Variants in LONRF2 observed in about 807,000 individuals in gnomAD.
The protein encoded by LONRF2 is LON peptidase N-terminal domain and RING finger protein 2.
In LONRF2, 35 loss-of-function variants were observed where a neutral mutation model predicts 66.6. The ratio of observed to expected loss-of-function variants is 0.53; its 90% CI spans 0.40 to 0.70. The LOEUF is 0.70. LONRF2 is among the 30% of genes least tolerant of loss of function. The probability of loss-of-function intolerance (pLI) is 0.00; values close to 1 mark genes in which losing one functional copy is unlikely to be tolerated. For missense variants in LONRF2, 902 were observed against 1,002.1 expected (o/e 0.90, Z 1.35); for synonymous variants, 417 against 418.1 (o/e 1.00, Z 0.03).
chr2:100,277,875 C>T lies in LONRF2; in HGVS notation c.*6423G>A, dbSNP rs1674632232. On this transcript the variant is annotated 3_prime_UTR_variant, in exon 12 of 12. Coordinates refer to ENST00000393437, the MANE Select transcript of LONRF2 (RefSeq NM_198461.4). ...AGATACCCCAAATCCAAATCTAAAT[C>T]ACATCTCTCCACAGGTGCTACAGCT... is the stretch of plus-strand genomic sequence containing the variant. 6.6e-6 allele frequency: 1 copy of T among 152,176 alleles called. No homozygotes were observed. The highest frequency in any genetic ancestry group is 2.1e-4 in the South Asian group (1 of 4,818). The allele number at this position is 152,176 out of a possible 1,614,324, so 9.4% of individuals were successfully genotyped here.
chr2:100,287,436 T>G (rs989593633), intron 10 of LONRF2, among the ~76,000 whole-genome samples: 3 of 152,224 alleles, frequency 2.0e-5, no homozygotes, highest in South Asian at 2.1e-4. Context: ...TAAACATTTA[T>G]GGAAAAGTTG....
chr2:100,290,250 A>C lies in LONRF2; in HGVS notation c.1920+8T>G, dbSNP rs1230036510. ...TGCTATAAAATACACCAGTATGATA[A>C]GCCTTACCTTTTCATCTTCAAGATA... On this transcript the variant is annotated splice_region_variant and intron_variant, in intron 10 of 11. Transcript: ENST00000393437. 1.2e-6 allele frequency: 2 copies of C among 1,607,616 alleles called. No homozygotes were observed. Among genetic ancestry groups the C allele is most frequent in the Non-Finnish European group, 1.7e-6 (2 of 1,177,144 alleles).
intron 1 of LONRF2, among the ~76,000 whole-genome samples, chr2:100,321,192 C>A (rs1675615213): frequency 6.6e-6 from 1 of 152,224 alleles, no homozygotes; most frequent in Admixed American, 6.5e-5. Flanking sequence ...AACTTACCAG[C>A]ATCCTGGAAA....
At chr2:100,286,428 T>C (rs546323761) in intron 11 of LONRF2, among the ~76,000 whole-genome samples, 1 of 152,258 alleles carries the variant, frequency 6.6e-6, no homozygotes, top group South Asian at 2.1e-4. Context: ...AAAGTACTTG[T>C]AGGGAGCACC....
chr2:100,290,698 C>T lies in LONRF2; in HGVS notation c.1758-278G>A, dbSNP rs563834262. Among the ~76,000 whole-genome samples, 35 of 152,230 alleles carry T rather than the reference C, an allele frequency of 2.3e-4. No homozygotes were observed. In the South Asian group the frequency reaches 5.0e-3, roughly 22 times the overall value. Reference sequence around the variant, plus strand: ...ACGGGCTAGTGTTTTGGGAAGGACCCGAGAGATGGGAAGAGATGAAATCTC... The same window carrying T: ...ACGGGCTAGTGTTTTGGGAAGGACCTGAGAGATGGGAAGAGATGAAATCTC... On this transcript the variant is annotated intron_variant, in intron 9 of 11. Coordinates refer to ENST00000393437, the MANE Select transcript of LONRF2 (RefSeq NM_198461.4).
chr2:100,292,392 G>A (rs1242546216), intron 9 of LONRF2, among the ~76,000 whole-genome samples: 2 of 152,160 alleles, frequency 1.3e-5, no homozygotes, highest in African/African-American at 4.8e-5. Flanking sequence ...AAGGTCATTA[G>A]CAATTTGTTT....
At chr2:100,293,398 T>C (rs1675001398) in intron 9 of LONRF2, among the ~76,000 whole-genome samples, 2 of 152,352 alleles carry the variant, frequency 1.3e-5, no homozygotes, top group South Asian at 4.1e-4. Flanking sequence ...CCTGGGCACG[T>C]AGGTGGACTA....
In LONRF2 at chr2:100,320,331, T is replaced by C. The variant is rs910223271; in HGVS notation, c.679+1084A>G. On this transcript the variant is annotated intron_variant, in intron 1 of 11. Coordinates refer to ENST00000393437, the MANE Select transcript of LONRF2 (RefSeq NM_198461.4). ...GCCTGTTAAAGTATGGATATGTTGG[T>C]TGCAAAAACTACAGAATACTCGTTA... is the stretch of plus-strand genomic sequence containing the variant. Among the ~76,000 whole-genome samples, 10 of 152,288 alleles carry C rather than the reference T, an allele frequency of 6.6e-5. No homozygotes were observed. The East Asian group carries it at 1.9e-3, about 29-fold the overall frequency.
rs923949307 is a variant in LONRF2 at position 100,300,747 on chromosome 2, T to C, written c.962A>G (p.His321Arg). The C allele has an allele frequency of 5.6e-6, 9 of 1,612,958 alleles. No individual in the cohort carries two copies. In the African/African-American group the frequency reaches 1.2e-4, roughly 22 times the overall value. The change falls in exon 4 of 12, where the codon CAT becomes CGT. Residue 321 changes from histidine to arginine, a missense_variant. Transcript: ENST00000393437. ...TTGGATGGAAGATGTTAAATTTTCA[T>C]GCACATTTGCTGTAGCTGAAAACAG... ...EVLFSATANV[H>R]ENLTSSIQSR...
chr2:100,300,019 A>AATGG, intron 4 of LONRF2, 101 bp from the exon 5 acceptor site: 1 of 394,614 alleles, frequency 2.5e-6, no homozygotes, highest in Non-Finnish European at 4.5e-6. Flanking sequence ...GGAAAAAAAA[A>AATGG]GGGGGGGGCA....
At chr2:100,311,025 T>C (rs1216199797) in intron 1 of LONRF2, among the ~76,000 whole-genome samples, 2 of 152,212 alleles carry the variant, frequency 1.3e-5, no homozygotes, top group African/African-American at 4.8e-5. Context: ...TGATCTAACA[T>C]GAGATTTTAT....
chr2:100,294,270 GC>G lies in LONRF2; in HGVS notation c.1715del (p.Gly572AlafsTer28). 1 of 1,607,296 alleles carries G rather than the reference GC, an allele frequency of 6.2e-7. No individual in the cohort carries two copies. The highest frequency in any genetic ancestry group is 8.5e-7 in the Non-Finnish European group (1 of 1,177,608). ...ATAAACACATGCCAAACCGCTTGGT[GC>G]CAGTTTCCATGCATCTTCTTATCAT... is the stretch of plus-strand genomic sequence containing the variant. ...RLMIRRCMET[G>X]TKRFGMCLSA... On this transcript the variant is annotated frameshift_variant, in exon 9 of 12. Transcript: ENST00000393437. LOFTEE classifies it high-confidence loss of function.
intron 8 of LONRF2, 39 bp from the exon 9 acceptor site, chr2:100,294,426 C>T (rs375733774): frequency 9.9e-6 from 15 of 1,510,288 alleles, no homozygotes; most frequent in Non-Finnish European, 1.3e-5. Context: ...GATGTATGAG[C>T]TGTTAGATCA....
In LONRF2 at chr2:100,311,333, T is replaced by C. The variant is rs555690108; in HGVS notation, c.680-2108A>G. ...ATACTTACTATAATGCTGATTTTTT[T>C]CCACATCTTCCAAAGGAGATTTGGA... On this transcript the variant is annotated intron_variant, in intron 1 of 11. Coordinates refer to ENST00000393437, the MANE Select transcript of LONRF2 (RefSeq NM_198461.4). Among the ~76,000 whole-genome samples the C allele has an allele frequency of 6.3e-4, 94 of 149,710 alleles. 1 individual carries two copies. The highest frequency in any genetic ancestry group is 2.2e-3 in the African/African-American group (88 of 40,840).
At position 100,322,016 on chromosome 2, in the gene LONRF2, G is replaced by A. The variant is rs1172379467; in HGVS notation, c.78C>T (p.Arg26=). ...GGAAGGCCTCGTCGCCCTCCTCTAA[G>A]CGCTGGGCGATCGGCTCCGCGCGGT... ...GCDRAEPIAQ[R]LEEGDEAFRA... The change falls in exon 1 of 12, where the codon CGC becomes CGT. Residue 26 remains arginine, a synonymous_variant. Transcript: ENST00000393437. 7.0e-7 allele frequency: 1 copy of A among 1,421,020 alleles called. No homozygotes were observed. 88.0% of individuals were successfully genotyped at this position (1,421,020 alleles called of 1,614,324 possible).
chr2:100,280,207 G>A lies in LONRF2; in HGVS notation c.*4091C>T, dbSNP rs1350185287. On this transcript the variant is annotated 3_prime_UTR_variant, in exon 12 of 12. Transcript: ENST00000393437. Reference sequence around the variant, plus strand: ...AAAGTCAAGGTGAGGCTGAGGTGAGGAGTTGTAAAGGGAAAAAGACTTTCC... The same window carrying A: ...AAAGTCAAGGTGAGGCTGAGGTGAGAAGTTGTAAAGGGAAAAAGACTTTCC... 6.6e-6 allele frequency: 1 copy of A among 152,184 alleles called. No individual in the cohort carries two copies. Among genetic ancestry groups the A allele is most frequent in the African/African-American group, 2.4e-5 (1 of 41,422 alleles). The allele number at this position is 152,184 out of a possible 1,614,324, so 9.4% of individuals were successfully genotyped here. A position where few individuals can be genotyped will look rare whatever the true frequency, so the allele number is the denominator to read the frequency against.
intron 10 of LONRF2, among the ~76,000 whole-genome samples, chr2:100,289,407 A>G (rs1302232667): frequency 6.7e-6 from 1 of 149,560 alleles, no homozygotes. Flanking sequence ...GCAGGTTTAC[A>G]TGTTGCATAA....
chr2:100,290,449 T>C (rs757667261), intron 9 of LONRF2, 29 bp from the exon 10 acceptor site: 62 of 1,582,090 alleles, frequency 3.9e-5, no homozygotes, highest in Non-Finnish European at 2.3e-5. Flanking sequence ...GAAATGACTG[T>C]GATTTTTAAA....
At chr2:100,320,274 A>C (rs954479608) in intron 1 of LONRF2, among the ~76,000 whole-genome samples, 1 of 152,256 alleles carries the variant, frequency 6.6e-6, no homozygotes, top group South Asian at 2.1e-4. Flanking sequence ...TAACACCATC[A>C]ATACCTAAAT....
Sources: allele counts gnomAD v4.1 joint callset (sites outside exome capture counted in the v4.1 genomes callset), GRCh38; gene constraint gnomAD v4.1.1; transcripts MANE v1.5; gene names NCBI Gene and HGNC (gene_info 2026-07-23, HGNC 2026-07-21).